Variants in SYTL5 observed in about 807,000 individuals in gnomAD.
SYTL5 encodes synaptotagmin-like protein 5.
Under a neutral mutation model 55.9 loss-of-function variants are expected in SYTL5, and 34 were observed. The ratio of observed to expected loss-of-function variants is 0.61; its 90% CI spans 0.46 to 0.81. SYTL5 has a LOEUF of 0.81. SYTL5 is among the 30% of genes least tolerant of loss of function. SYTL5 has a pLI of 0.00. For missense variants in SYTL5, 637 were observed against 546.7 expected (o/e 1.17, Z -1.65); for synonymous variants, 221 against 188.7 (o/e 1.17, Z -1.40).
chrX:38,061,859 CACAAAG>C (rs1344300053), intron 3 of SYTL5, among the ~76,000 whole-genome samples: 1 of 112,113 alleles, frequency 8.9e-6, no homozygotes, highest in Non-Finnish European at 1.9e-5. Context: ...TGCAGTCCAA[CACAAAG>C]ACAGTCATAA....
Position 38,091,044 on chromosome X carries a change from G to A in SYTL5, c.831+1457G>A, listed in dbSNP as rs187874781. 1.9e-3 allele frequency among the ~76,000 whole-genome samples: 213 copies of A among 112,290 alleles called. 1 individual carries two copies. The highest frequency in any genetic ancestry group is 2.7e-3 in the Non-Finnish European group (144 of 53,268). On this transcript the variant is annotated intron_variant, in intron 7 of 16. Transcript: ENST00000297875. Reference sequence around the variant, plus strand: ...TGCAGTCAGCATTCACTCTGATTAAGATGGGGGAAACTGGAGGTTTTAGAG... The same window carrying A: ...TGCAGTCAGCATTCACTCTGATTAAAATGGGGGAAACTGGAGGTTTTAGAG...
intron 3 of SYTL5, among the ~76,000 whole-genome samples, chrX:38,055,224 C>A (rs780338928): frequency 8.9e-6 from 1 of 111,746 alleles, no homozygotes; most frequent in Non-Finnish European, 1.9e-5. Context: ...TCCTCCAAAC[C>A]GAATTTCCTC....
intron 6 of SYTL5, among the ~76,000 whole-genome samples, chrX:38,085,316 G>C (rs1035008974): frequency 9.0e-5 from 10 of 111,155 alleles, no homozygotes; most frequent in Admixed American, 2.9e-4. Context: ...AGTCCCATGT[G>C]ACTAGCCTCA....
chrX:38,068,989 G>T (rs1382556591), intron 3 of SYTL5, among the ~76,000 whole-genome samples: 1 of 111,417 alleles, frequency 9.0e-6, no homozygotes, highest in Non-Finnish European at 1.9e-5. Context: ...CTTTTCACAT[G>T]TCATTAAGTA....
At chrX:37,901,753 A>G in the SYTL5 span, among the ~76,000 whole-genome samples, 6 of 111,946 alleles carry the variant, frequency 5.4e-5, no homozygotes, top group Admixed American at 5.7e-4. Flanking sequence ...AGTATTGTGT[A>G]AGGGAAGTTT....
At chrX:38,098,624 C>T (rs1156775700) in intron 9 of SYTL5, among the ~76,000 whole-genome samples, 2 of 110,426 alleles carry the variant, frequency 1.8e-5, no homozygotes, top group Non-Finnish European at 3.8e-5. Flanking sequence ...ACAGCCATTC[C>T]GTAAAAGAGT....
chrX:38,112,636 T>C (rs1222763902), intron 13 of SYTL5, among the ~76,000 whole-genome samples: 1 of 112,285 alleles, frequency 8.9e-6, no homozygotes, highest in Non-Finnish European at 1.9e-5. Flanking sequence ...TGCTTAGATA[T>C]CATGTCTTCC....
chrX:38,096,796 A>G (rs1478920175), intron 9 of SYTL5, among the ~76,000 whole-genome samples: 1 of 111,513 alleles, frequency 9.0e-6, no homozygotes, highest in Non-Finnish European at 1.9e-5. Context: ...ACACAAATGT[A>G]AAATGGTATT....
intron 1 of SYTL5, among the ~76,000 whole-genome samples, chrX:38,012,541 A>C (rs951723443): frequency 9.0e-6 from 1 of 111,671 alleles, no homozygotes; most frequent in Non-Finnish European, 1.9e-5. Flanking sequence ...TTAAATCCAA[A>C]TATACTTTTA....
At chrX:38,028,706 T>C (rs1221663439) in intron 1 of SYTL5, among the ~76,000 whole-genome samples, 1 of 111,795 alleles carries the variant, frequency 8.9e-6, no homozygotes, top group Admixed American at 9.5e-5. Context: ...TCCTGAAAGT[T>C]TTTTTCTTTA....
At chrX:38,031,547 A>G (rs1934953129) in intron 1 of SYTL5, among the ~76,000 whole-genome samples, 2 of 112,051 alleles carry the variant, frequency 1.8e-5, no homozygotes, top group African/African-American at 6.5e-5. Flanking sequence ...CCCTTGAATA[A>G]TTTCTGAATA....
At chrX:37,992,795 A>G in the SYTL5 span, among the ~76,000 whole-genome samples, 2 of 112,153 alleles carry the variant, frequency 1.8e-5, no homozygotes, top group East Asian at 5.6e-4. Flanking sequence ...TAATTTATGT[A>G]AGCAAAAGAG....
chrX:38,091,384 T>C (rs1936795379), intron 7 of SYTL5, among the ~76,000 whole-genome samples: 1 of 112,364 alleles, frequency 8.9e-6, no homozygotes, highest in Non-Finnish European at 1.9e-5. Flanking sequence ...GCCATTTCTG[T>C]TCAATAGCTA....
intron 13 of SYTL5, among the ~76,000 whole-genome samples, chrX:38,118,037 T>A (rs956887894): frequency 9.0e-6 from 1 of 111,706 alleles, no homozygotes; most frequent in Non-Finnish European, 1.9e-5. Flanking sequence ...ATCTTTAATC[T>A]GTCATAACAT....
chrX:37,991,377 G>A, the SYTL5 span: 6 of 774,998 alleles, frequency 7.7e-6, no homozygotes, highest in Non-Finnish European at 7.2e-6. Context: ...AAGACATCCA[G>A]GGGAAGCTAT....
intron 8 of SYTL5, 106 bp from the exon 9 acceptor site, chrX:38,096,028 G>C: frequency 2.4e-6 from 1 of 420,066 alleles, no homozygotes; most frequent in Non-Finnish European, 4.1e-6. Context: ...TTTATGATCT[G>C]TGCCTAAAAA....
the SYTL5 span, among the ~76,000 whole-genome samples, chrX:37,969,818 G>C: frequency 9.0e-6 from 1 of 111,388 alleles, no homozygotes; most frequent in African/African-American, 3.3e-5. Flanking sequence ...ATTTTTAGTA[G>C]ATACAGGATT....
the SYTL5 span, among the ~76,000 whole-genome samples, chrX:37,960,636 A>G: frequency 0.015 from 1,704 of 111,039 alleles, 15 homozygotes; most frequent in South Asian, 0.036. Flanking sequence ...AGGCCACTTA[A>G]GCAATCTCTA....
the SYTL5 span, among the ~76,000 whole-genome samples, chrX:37,894,997 A>T: frequency 1.2e-4 from 13 of 111,186 alleles, no homozygotes; most frequent in African/African-American, 2.3e-4. Flanking sequence ...AGATCATGAG[A>T]CTTCTCAGCC....
Sources: allele counts gnomAD v4.1 joint callset (sites outside exome capture counted in the v4.1 genomes callset), GRCh38; gene constraint gnomAD v4.1.1; transcripts MANE v1.5; gene names NCBI Gene and HGNC (gene_info 2026-07-23, HGNC 2026-07-21).